Variants in MTARC2 observed in about 807,000 individuals in gnomAD.
MTARC2 encodes the protein mitochondrial amidoxime reducing component 2.
MTARC2 carries 27 observed loss-of-function variants against 35.6 expected under a neutral mutation model. That is an observed-to-expected ratio of 0.76 (90% CI 0.56 to 1.04). The LOEUF (loss-of-function observed/expected upper bound fraction) is 1.04. MTARC2 is among the 50% of genes least tolerant of loss of function. The pLI is 0.00. For synonymous variants in MTARC2, 158 were observed against 167.1 expected, an observed-to-expected ratio of 0.95 and a Z score of 0.42; for missense variants, 412 against 432.5, an observed-to-expected ratio of 0.95 and a Z score of 0.42.
chr1:220,775,218 T>G (rs77170854), intron 4 of MTARC2, among the ~76,000 whole-genome samples: 3,538 of 150,130 alleles, frequency 0.024, 104 homozygotes, highest in African/African-American at 0.064. Flanking sequence ...TAGTCCTAAT[T>G]TAGTATTTAC....
chr1:220,766,041 G>A (rs950389698), intron 4 of MTARC2, among the ~76,000 whole-genome samples: 2 of 152,138 alleles, frequency 1.3e-5, no homozygotes, highest in Admixed American at 6.5e-5. Context: ...CAGGGACCAC[G>A]GGGGTCAGAG....
At chr1:220,779,608 T>C (rs1672010269) in intron 4 of MTARC2, among the ~76,000 whole-genome samples, 1 of 152,232 alleles carries the variant, frequency 6.6e-6, no homozygotes, top group African/African-American at 2.4e-5. Context: ...CTGCCTTCTC[T>C]TGGGTGATGT....
intron 4 of MTARC2, among the ~76,000 whole-genome samples, chr1:220,764,906 C>T (rs1231414557): frequency 6.6e-6 from 1 of 151,988 alleles, no homozygotes; most frequent in Non-Finnish European, 1.5e-5. Context: ...TTCAATCATC[C>T]ATTATAGGTC....
intron 4 of MTARC2, among the ~76,000 whole-genome samples, chr1:220,769,394 G>T (rs1025242515): frequency 8.5e-5 from 13 of 152,188 alleles, no homozygotes; most frequent in Admixed American, 4.6e-4. Context: ...TGCCTGGGCC[G>T]GTGGGTCCCC....
intron 1 of MTARC2, among the ~76,000 whole-genome samples, chr1:220,749,436 T>C (rs111280937): frequency 5.4e-4 from 66 of 122,570 alleles, no homozygotes; most frequent in African/African-American, 2.2e-3. Context: ...TCTTTTTTTT[T>C]TTTTTTTTTT....
intron 3 of MTARC2, 105 bp downstream of exon 3, chr1:220,761,925 T>C: frequency 9.0e-7 from 1 of 1,109,206 alleles, no homozygotes; most frequent in Non-Finnish European, 1.3e-6. Context: ...GTTAAGAAAA[T>C]ATGATAATGG....
intron 4 of MTARC2, among the ~76,000 whole-genome samples, chr1:220,771,327 G>C (rs1254557063): frequency 7.1e-6 from 1 of 140,882 alleles, no homozygotes; most frequent in Non-Finnish European, 1.5e-5. Context: ...AAAGCCTTAG[G>C]CTTCTGTCTT....
intron 4 of MTARC2, among the ~76,000 whole-genome samples, chr1:220,769,314 A>T (rs935972375): frequency 1.3e-5 from 2 of 152,206 alleles, no homozygotes; most frequent in African/African-American, 4.8e-5. Flanking sequence ...AGTAAGCGAG[A>T]CACCCCTGGA....
chr1:220,753,010 C>G (rs1364607812), intron 1 of MTARC2, among the ~76,000 whole-genome samples: 1 of 145,620 alleles, frequency 6.9e-6, no homozygotes, highest in Non-Finnish European at 1.5e-5. Context: ...ATCAGGAGAT[C>G]GAGACCATCC....
In MTARC2 at chr1:220,748,737, A is replaced by G; in HGVS notation, c.206A>G (p.Lys69Arg). The G allele has an allele frequency of 3.1e-6, 5 of 1,600,526 alleles. No homozygotes were observed. Among genetic ancestry groups the G allele is most frequent in the Non-Finnish European group, 4.3e-6 (5 of 1,173,904 alleles). ...TGGATCTACCCGGTGAAATCCTGCA[A>G]AGGGGTGCCGGTGAGCGAGGCTGAG... ...KLWIYPVKSC[K>R]GVPVSEAECT... The change falls in exon 1 of 8, where the codon AAA becomes AGA. Residue 69 changes from lysine to arginine, a missense_variant. Coordinates refer to ENST00000366913, the MANE Select transcript of MTARC2 (RefSeq NM_017898.5).
chr1:220,768,444 T>C (rs1157606229), intron 4 of MTARC2, among the ~76,000 whole-genome samples: 1 of 152,170 alleles, frequency 6.6e-6, no homozygotes, highest in African/African-American at 2.4e-5. Context: ...ATAAGGAAAC[T>C]GAGACTCAGA....
intron 4 of MTARC2, among the ~76,000 whole-genome samples, chr1:220,770,715 C>T (rs1038018806): frequency 1.3e-5 from 2 of 152,248 alleles, no homozygotes; most frequent in Non-Finnish European, 2.9e-5. Flanking sequence ...CTGCCCCTCC[C>T]AGCCTCTGCT....
At chr1:220,757,177 C>G (rs1482825580) in intron 2 of MTARC2, among the ~76,000 whole-genome samples, 2 of 152,244 alleles carry the variant, frequency 1.3e-5, no homozygotes, top group Non-Finnish European at 2.9e-5. Context: ...TCTGGGATTG[C>G]AGGCATGAGC....
intron 4 of MTARC2, among the ~76,000 whole-genome samples, chr1:220,771,723 T>C (rs1022606316): frequency 1.3e-5 from 2 of 152,010 alleles, no homozygotes; most frequent in African/African-American, 2.4e-5. Context: ...AAATTCCTCA[T>C]TGGGTAACAG....
At chr1:220,774,935 A>G (rs117949464) in intron 4 of MTARC2, among the ~76,000 whole-genome samples, 3,590 of 152,170 alleles carry the variant, frequency 0.024, 106 homozygotes, top group African/African-American at 0.064. Flanking sequence ...TTGTGTGTCT[A>G]TATAGACCCG....
chr1:220,781,045 A>T (rs1572322111), intron 6 of MTARC2, among the ~76,000 whole-genome samples: 2 of 143,264 alleles, frequency 1.4e-5, no homozygotes, highest in Admixed American at 1.4e-4. Flanking sequence ...AGTTTGGCTG[A>T]CTTTAGTTCC....
At chr1:220,767,140 G>A (rs146423670) in intron 4 of MTARC2, among the ~76,000 whole-genome samples, 21 of 151,856 alleles carry the variant, frequency 1.4e-4, no homozygotes, top group African/African-American at 4.8e-4. Flanking sequence ...CTCTGGCCAC[G>A]CACATTAAAA....
At chr1:220,755,788 A>G (rs1209953406) in intron 2 of MTARC2, among the ~76,000 whole-genome samples, 1 of 152,226 alleles carries the variant, frequency 6.6e-6, no homozygotes, top group Non-Finnish European at 1.5e-5. Flanking sequence ...TTCAGTGTCA[A>G]CAAGGCTCCA....
chr1:220,757,121 C>T (rs913702689), intron 2 of MTARC2, among the ~76,000 whole-genome samples: 9 of 152,212 alleles, frequency 5.9e-5, no homozygotes, highest in Admixed American at 6.5e-5. Context: ...AGGCTGGTTT[C>T]GAACTCCTGA....
Sources: allele counts gnomAD v4.1 joint callset (sites outside exome capture counted in the v4.1 genomes callset), GRCh38; gene constraint gnomAD v4.1.1; transcripts MANE v1.5; gene names NCBI Gene and HGNC (gene_info 2026-07-23, HGNC 2026-07-21).